Variants in ARID1B observed in about 807,000 individuals in gnomAD.
ARID1B encodes the protein AT-rich interactive domain-containing protein 1B.
A neutral mutation model predicts 212.3 loss-of-function variants in ARID1B; 30 were observed. The observed-to-expected ratio is 0.14, with a 90% CI of 0.11 to 0.19. ARID1B has a LOEUF of 0.19. Among genes scored for constraint, ARID1B ranks in the 10% least tolerant of loss-of-function variants. The pLI is 1.00. For missense variants in ARID1B, 2,891 were observed against 3,204.0 expected (o/e 0.90, Z 2.36); for synonymous variants, 1,402 against 1,301.7 (o/e 1.08, Z -1.66).
chr6:157,104,666 T>G (rs1786331499), intron 5 of ARID1B, among the ~76,000 whole-genome samples: 1 of 152,202 alleles, frequency 6.6e-6, no homozygotes, highest in Non-Finnish European at 1.5e-5. Context: ...CAAGGAAGAC[T>G]ACGTGCTTAG....
intron 3 of ARID1B, among the ~76,000 whole-genome samples, chr6:156,921,308 TTTTAA>T (rs1018498031): frequency 1.3e-5 from 2 of 152,110 alleles, no homozygotes; most frequent in African/African-American, 4.8e-5. Flanking sequence ...ATAAATTTTA[TTTTAA>T]TTTAATTTTG....
intron 4 of ARID1B, among the ~76,000 whole-genome samples, chr6:157,039,497 A>AT (rs1194429423): frequency 6.6e-6 from 1 of 151,388 alleles, no homozygotes; most frequent in Non-Finnish European, 1.5e-5. Flanking sequence ...CGCCCGGCTA[A>AT]TTTTTTGTAT....
chr6:156,832,709 G>T (rs536575008), intron 2 of ARID1B, among the ~76,000 whole-genome samples: 16 of 152,288 alleles, frequency 1.1e-4, no homozygotes, highest in Non-Finnish European at 1.5e-4. Flanking sequence ...AAGAACTGCA[G>T]TGCTGATGTG....
intron 7 of ARID1B, among the ~76,000 whole-genome samples, chr6:157,146,342 A>G (rs1789720470): frequency 6.6e-6 from 1 of 152,200 alleles, no homozygotes; most frequent in South Asian, 2.1e-4. Context: ...ATGAAACAAG[A>G]AAAGATGCAA....
chr6:157,136,420 G>A (rs889823739), intron 7 of ARID1B, among the ~76,000 whole-genome samples: 4 of 152,250 alleles, frequency 2.6e-5, no homozygotes, highest in South Asian at 2.1e-4. Flanking sequence ...GGGGCCTCTC[G>A]CGTGGTCATT....
chr6:157,091,954 T>C (rs1785310147), intron 5 of ARID1B, among the ~76,000 whole-genome samples: 1 of 152,216 alleles, frequency 6.6e-6, no homozygotes, highest in Admixed American at 6.5e-5. Flanking sequence ...CTATCGAATG[T>C]TCCTTTTTGG....
intron 4 of ARID1B, among the ~76,000 whole-genome samples, chr6:156,958,250 T>A (rs966362125): frequency 1.3e-5 from 2 of 152,216 alleles, no homozygotes; most frequent in African/African-American, 4.8e-5. Context: ...AACAGCTTTT[T>A]CACTTTTAAA....
chr6:157,145,841 A>G (rs576778136), intron 7 of ARID1B, among the ~76,000 whole-genome samples: 17 of 152,192 alleles, frequency 1.1e-4, no homozygotes, highest in Non-Finnish European at 2.1e-4. Context: ...CGTCTTCAGC[A>G]TGAGGATTAT....
intron 2 of ARID1B, among the ~76,000 whole-genome samples, chr6:156,859,730 G>T (rs1785192767): frequency 6.6e-6 from 1 of 152,194 alleles, no homozygotes; most frequent in Admixed American, 6.5e-5. Flanking sequence ...TTTTGCATGT[G>T]CAGTTATTTC....
intron 2 of ARID1B, among the ~76,000 whole-genome samples, chr6:156,883,811 G>A (rs1257576470): frequency 5.9e-5 from 9 of 152,176 alleles, no homozygotes; most frequent in Admixed American, 5.9e-4. Context: ...CCTTCCTCCT[G>A]TGCAGGTGTT....
chr6:157,188,294 T>C (rs572146107), intron 13 of ARID1B, among the ~76,000 whole-genome samples: 25 of 152,310 alleles, frequency 1.6e-4, no homozygotes, highest in African/African-American at 5.3e-4. Flanking sequence ...AGTGCAGGGC[T>C]CACAGGGACG....
intron 1 of ARID1B, among the ~76,000 whole-genome samples, chr6:156,816,199 G>A (rs1781949921): frequency 6.6e-6 from 1 of 152,198 alleles, no homozygotes; most frequent in South Asian, 2.1e-4. Flanking sequence ...TGGAATAGGA[G>A]ATGGATGTCT....
At position 157,198,924 on chromosome 6, in the gene ARID1B, G is replaced by T; in HGVS notation, c.4479+17G>T. ...CAGCAGCCGGTGAGTTGGCAAGTGG[G>T]CGTGGGGTGCTGTGTTTTCTGGTTC... On this transcript the variant is annotated intron_variant, in intron 17 of 19. Transcript: ENST00000636930. The T allele has an allele frequency of 6.4e-7, 1 of 1,574,716 alleles. No individual in the cohort carries two copies. The highest frequency in any genetic ancestry group is 8.7e-7 in the Non-Finnish European group (1 of 1,154,648).
rs1208883079 is a variant in ARID1B, at chr6:157,018,212, C to CTTTTTTTTTTTTTTTTTTT, written c.2248-66446_2248-66428dup. Among the ~76,000 whole-genome samples the CTTTTTTTTTTTTTTTTTTT allele has an allele frequency of 1.7e-4, 12 of 72,432 alleles. 3 individuals carry two copies. Among genetic ancestry groups the CTTTTTTTTTTTTTTTTTTT allele is most frequent in the African/African-American group, 7.8e-4 (12 of 15,424 alleles). The allele number at this position is 72,432 out of a possible 152,430, so 47.5% of individuals were successfully genotyped here. A position where few individuals can be genotyped will look rare whatever the true frequency, so the allele number is the denominator to read the frequency against. ...GAATGTCTAAACAAAAAGTAGTATG[C>CTTTTTTTTTTTTTTTTTTT]TTTTTTTTTTTTTTTTTTTTTTGAG... On this transcript the variant is annotated intron_variant, in intron 4 of 19. Coordinates refer to ENST00000636930, the MANE Select transcript of ARID1B (RefSeq NM_001374828.1).
At chr6:156,801,174 G>C (rs1359298709) in intron 1 of ARID1B, among the ~76,000 whole-genome samples, 1 of 149,956 alleles carries the variant, frequency 6.7e-6, no homozygotes, top group East Asian at 2.0e-4. Flanking sequence ...ATGGCTGTCA[G>C]TAGGGTAGGA....
At chr6:157,161,433 A>G (rs201403922) in intron 8 of ARID1B, among the ~76,000 whole-genome samples, 4,648 of 113,514 alleles carry the variant, frequency 0.041, 95 homozygotes, top group Middle Eastern at 0.074. Flanking sequence ...GTGTGTGTGT[A>G]TATATATATA....
chr6:157,080,120 C>G (rs1431201519), intron 4 of ARID1B, among the ~76,000 whole-genome samples: 8 of 152,136 alleles, frequency 5.3e-5, no homozygotes, highest in African/African-American at 1.9e-4. Context: ...TCCTCATGCT[C>G]TCCTGGGGCA....
intron 6 of ARID1B, among the ~76,000 whole-genome samples, chr6:157,125,558 T>G (rs1788077830): frequency 6.6e-6 from 1 of 152,224 alleles, no homozygotes; most frequent in Non-Finnish European, 1.5e-5. Context: ...TGGCCAGATT[T>G]GCCCGGGTCT....
intron 2 of ARID1B, among the ~76,000 whole-genome samples, chr6:156,895,982 T>C (rs1788354673): frequency 6.6e-6 from 1 of 152,282 alleles, no homozygotes; most frequent in South Asian, 2.1e-4. Flanking sequence ...GCATTAACTT[T>C]TTGTTGCTTT....
Sources: allele counts gnomAD v4.1 joint callset (sites outside exome capture counted in the v4.1 genomes callset), GRCh38; gene constraint gnomAD v4.1.1; transcripts MANE v1.5; gene names NCBI Gene and HGNC (gene_info 2026-07-23, HGNC 2026-07-21).